Variants in HNRNPC observed in about 807,000 individuals in gnomAD.
The protein encoded by HNRNPC is heterogeneous nuclear ribonucleoproteins C1/C2.
In HNRNPC, 3 loss-of-function variants were observed where a neutral mutation model predicts 33.2. The ratio of observed to expected loss-of-function variants is 0.09; its 90% CI spans 0.04 to 0.23. The LOEUF (loss-of-function observed/expected upper bound fraction) is 0.23. Ranked by LOEUF, HNRNPC falls within the 10% of genes least tolerant of loss-of-function variation. The probability of loss-of-function intolerance (pLI) is 1.00; values close to 1 mark genes in which losing one functional copy is unlikely to be tolerated. For synonymous variants in HNRNPC, 121 were observed against 126.7 expected (o/e 0.96, Z 0.30); for missense variants, 143 against 366.7 (o/e 0.39, Z 4.98).
intron 2 of HNRNPC, among the ~76,000 whole-genome samples, chr14:21,253,322 A>G (rs893301412): frequency 1.3e-5 from 2 of 151,306 alleles, no homozygotes; most frequent in Non-Finnish European, 3.0e-5. Flanking sequence ...TAAAAAAAAA[A>G]AAAAATACAA....
intron 2 of HNRNPC, among the ~76,000 whole-genome samples, chr14:21,245,601 T>C (rs957883580): frequency 6.6e-6 from 1 of 151,974 alleles, no homozygotes; most frequent in Non-Finnish European, 1.5e-5. Flanking sequence ...ACTGAGTGAG[T>C]GGTGGGTTTG....
intron 2 of HNRNPC, among the ~76,000 whole-genome samples, chr14:21,239,347 G>A (rs1383841145): frequency 6.6e-6 from 1 of 151,976 alleles, no homozygotes; most frequent in African/African-American, 2.4e-5. Context: ...GGGTATGGTG[G>A]CACACACCTG....
At chr14:21,242,526 G>C (rs1397431812) in intron 2 of HNRNPC, among the ~76,000 whole-genome samples, 2 of 152,170 alleles carry the variant, frequency 1.3e-5, no homozygotes, top group African/African-American at 4.8e-5. Context: ...ATTTACATTG[G>C]TGAGGACTTA....
At chr14:21,267,123 A>AAC (rs1879150029) in intron 1 of HNRNPC, among the ~76,000 whole-genome samples, 9 of 122,614 alleles carry the variant, frequency 7.3e-5, no homozygotes, top group South Asian at 2.7e-4. Context: ...AAAAAAAAAA[A>AAC]AAAACAAAAC....
intron 2 of HNRNPC, among the ~76,000 whole-genome samples, chr14:21,243,751 A>G (rs974274163): frequency 6.6e-6 from 1 of 152,138 alleles, no homozygotes; most frequent in Non-Finnish European, 1.5e-5. Context: ...AAGTACTTCC[A>G]TGTTTGCTTG....
chr14:21,256,855 T>G (rs1436429868), intron 2 of HNRNPC, among the ~76,000 whole-genome samples: 3 of 152,150 alleles, frequency 2.0e-5, no homozygotes, highest in Non-Finnish European at 4.4e-5. Context: ...GGTTTCACCA[T>G]GTTGCCCAGG....
intron 5 of HNRNPC, among the ~76,000 whole-genome samples, chr14:21,228,384 T>C (rs527610263): frequency 9.9e-5 from 15 of 152,274 alleles, no homozygotes; most frequent in Non-Finnish European, 1.3e-4. Context: ...AAGTTCTCCA[T>C]TGATTTTTAT....
intron 7 of HNRNPC, 63 bp from the exon 8 acceptor site, chr14:21,211,629 C>A: frequency 6.5e-7 from 1 of 1,538,190 alleles, no homozygotes; most frequent in South Asian, 1.2e-5. Context: ...AGACAATCCC[C>A]ACTAAGGATC....
At chr14:21,262,376 C>A (rs1273770250) in intron 2 of HNRNPC, among the ~76,000 whole-genome samples, 1 of 152,188 alleles carries the variant, frequency 6.6e-6, no homozygotes, top group Non-Finnish European at 1.5e-5. Context: ...GCTGCTCTTT[C>A]CAAGTATCCA....
chr14:21,242,673 T>A (rs1467176290), intron 2 of HNRNPC, among the ~76,000 whole-genome samples: 1 of 152,198 alleles, frequency 6.6e-6, no homozygotes, highest in Non-Finnish European at 1.5e-5. Flanking sequence ...AATGAAGACC[T>A]GGAGGTCTCA....
intron 2 of HNRNPC, chr14:21,263,053 TAAA>T (rs1353169182): frequency 6.6e-6 from 1 of 151,894 alleles, no homozygotes; most frequent in Non-Finnish European, 1.5e-5. Context: ...TCAAACCACT[TAAA>T]AATACTAATG....
intron 2 of HNRNPC, among the ~76,000 whole-genome samples, chr14:21,242,182 TATA>T (rs916654780): frequency 4.6e-5 from 7 of 151,898 alleles, no homozygotes; most frequent in Admixed American, 1.3e-4. Context: ...TATAATCATA[TATA>T]ATAATAATAA....
chr14:21,215,078 G>C lies in HNRNPC; in HGVS notation c.366-1961C>G, dbSNP rs575077450. Among the ~76,000 whole-genome samples the C allele has an allele frequency of 3.9e-5, 6 of 152,314 alleles. No homozygotes were observed. In the South Asian group the frequency reaches 1.2e-3, roughly 32 times the overall value. On this transcript the variant is annotated intron_variant, in intron 5 of 8. Transcript: ENST00000553300. ...CAGCCAAAATAAAGCAAGTAATACA[G>C]TTTTGTTTTGAATCTATGTAACAGT...
intron 2 of HNRNPC, among the ~76,000 whole-genome samples, chr14:21,243,410 G>A (rs1271814954): frequency 6.6e-6 from 1 of 152,084 alleles, no homozygotes; most frequent in Non-Finnish European, 1.5e-5. Context: ...GGCTTACACA[G>A]GAATGGTTTA....
intron 5 of HNRNPC, among the ~76,000 whole-genome samples, chr14:21,215,108 T>G (rs528708582): frequency 1.8e-3 from 281 of 152,344 alleles, no homozygotes; most frequent in Non-Finnish European, 3.1e-3. Context: ...AACAGTCTCA[T>G]GAACACAATT....
At chr14:21,245,363 G>A (rs1023899142) in intron 2 of HNRNPC, among the ~76,000 whole-genome samples, 16 of 152,020 alleles carry the variant, frequency 1.1e-4, no homozygotes, top group Non-Finnish European at 1.9e-4. Flanking sequence ...AAGCGTGGTG[G>A]TGCATGCCTG....
intron 5 of HNRNPC, among the ~76,000 whole-genome samples, chr14:21,227,813 C>A (rs1469656889): frequency 6.6e-6 from 1 of 152,162 alleles, no homozygotes; most frequent in Non-Finnish European, 1.5e-5. Context: ...ACTGCTAAAA[C>A]TTGATACACT....
intron 2 of HNRNPC, among the ~76,000 whole-genome samples, chr14:21,241,828 C>G (rs1895378590): frequency 1.3e-5 from 2 of 152,136 alleles, no homozygotes; most frequent in African/African-American, 4.8e-5. Flanking sequence ...TCTGAGAAAA[C>G]AGTAATACCT....
chr14:21,225,368 G>T (rs926470372), intron 5 of HNRNPC, among the ~76,000 whole-genome samples: 44 of 151,870 alleles, frequency 2.9e-4, no homozygotes, highest in African/African-American at 9.7e-4. Context: ...GGAGGTGGAG[G>T]TTGCAGTGAG....
Sources: allele counts gnomAD v4.1 joint callset (sites outside exome capture counted in the v4.1 genomes callset), GRCh38; gene constraint gnomAD v4.1.1; transcripts MANE v1.5; gene names NCBI Gene and HGNC (gene_info 2026-07-23, HGNC 2026-07-21).